The following ASPM variants were observed in gnomAD, a reference collection of about 807,000 sequenced individuals.
ASPM encodes the protein abnormal spindle-like microcephaly-associated protein.
A neutral mutation model predicts 366.4 loss-of-function variants in ASPM; 256 were observed. The observed-to-expected ratio is 0.70, with a 90% confidence interval of 0.63 to 0.77. The LOEUF is 0.77. Among genes scored for constraint, ASPM ranks in the 30% least tolerant of loss-of-function variants. ASPM has a pLI of 0.00. For missense variants in ASPM, 4,146 were observed against 4,090.4 expected (o/e 1.01, Z -0.37); for synonymous variants, 1,414 against 1,342.9 (o/e 1.05, Z -1.16).
rs1266631081 is a variant in ASPM, at chr1:197,135,111, T to G, written c.2158A>C (p.Thr720Pro). The G allele has an allele frequency of 6.3e-7, 1 of 1,595,016 alleles. No homozygotes were observed. ...ILTPDDFTVK[T>P]NISEVNAATL... ...TAACGTTTACCTTCAGAAATATTTG[T>G]TTTTACAGTGAAGTCATCAGGGGTT... The change falls in exon 5 of 28, where the codon ACA (threonine) becomes CCA (proline). Residue 720 changes from threonine (T) to proline (P), a missense_variant. Around this residue, in one of 3 missense-constraint regions of ASPM, gnomAD observed 3,624 missense variants for 3,591.7 expected, o/e 1.01. Coordinates refer to ENST00000367409, the MANE Select transcript of ASPM (RefSeq NM_018136.5).
chr1:197,143,303 T>C lies in ASPM; in HGVS notation c.949A>G (p.Ser317Gly). The C allele has an allele frequency of 6.2e-7, 1 of 1,613,862 alleles. No individual in the cohort carries two copies. Among genetic ancestry groups the C allele is most frequent in the Non-Finnish European group, 8.5e-7 (1 of 1,179,770 alleles). ...CTATTATTTACAAAAGAATCTGGACTTAGAAAATGTATTTGGCTTTGTGTA... is the reference window on the plus strand; with the variant it reads ...CTATTATTTACAAAAGAATCTGGACCTAGAAAATGTATTTGGCTTTGTGTA... The part of the protein sequence containing the change: ...NITQSQIHFL[S>G]PDSFVNNSHG... The change falls in exon 3 of 28, where the codon AGT (serine) becomes GGT (glycine). Residue 317 changes from serine to glycine, a missense_variant. This residue lies in a region of ASPM where 512 missense variants were observed against 471.7 expected (regional missense o/e 1.09). Transcript: ENST00000367409.
At chr1:197,141,135 T>C (rs985980207) in intron 3 of ASPM, among the ~76,000 whole-genome samples, 1 of 152,136 alleles carries the variant, frequency 6.6e-6, no homozygotes, top group African/African-American at 2.4e-5. Flanking sequence ...CTCCCTACTG[T>C]TTTTGTATGT....
rs368081657 is a variant in ASPM at position 197,103,628 on chromosome 1, T to C, written c.5623A>G (p.Lys1875Glu). 19 of 1,612,806 alleles carry C rather than the reference T, an allele frequency of 1.2e-5. No individual in the cohort carries two copies. In the African/African-American group the frequency reaches 2.0e-4, roughly 17 times the overall value. The change falls in exon 18 of 28, where the codon AAG becomes GAG. Residue 1875 changes from lysine to glutamate, a missense_variant. Physicochemically the swap from Lys to Glu is moderately conservative, Grantham distance 56. This residue lies in a region of ASPM where 3,624 missense variants were observed against 3,591.7 expected (regional missense o/e 1.01). Coordinates refer to ENST00000367409, the MANE Select transcript of ASPM (RefSeq NM_018136.5). ...GACTGGAGGGAAATCACAGCTGCCT[T>C]TGTCTTCAAAAAATGTGTTCTTGTA... The part of the protein sequence containing the change: ...HDTRTHFLKT[K>E]AAVISLQSAY...
At chr1:197,120,909 A>G (rs1657888132) in intron 16 of ASPM, among the ~76,000 whole-genome samples, 1 of 152,158 alleles carries the variant, frequency 6.6e-6, no homozygotes, top group Non-Finnish European at 1.5e-5. Context: ...GAGTTTGAGT[A>G]GGGGAAAAGA....
At chr1:197,095,152 T>C (rs1280264442) in intron 19 of ASPM, among the ~76,000 whole-genome samples, 1 of 151,792 alleles carries the variant, frequency 6.6e-6, no homozygotes, top group Admixed American at 6.6e-5. Context: ...TATTGTTAAC[T>C]ATAGTTGCCC....
At chr1:197,131,712 T>A (rs897685077) in intron 7 of ASPM, among the ~76,000 whole-genome samples, 3 of 151,862 alleles carry the variant, frequency 2.0e-5, no homozygotes, top group Non-Finnish European at 4.4e-5. Context: ...GCGCCCACCA[T>A]CACGCCTGGC....
rs1657253981 is a variant in ASPM at position 197,103,108 on chromosome 1, A to G, written c.6143T>C (p.Val2048Ala). 6 of 1,612,686 alleles carry G rather than the reference A, an allele frequency of 3.7e-6. No individual in the cohort carries two copies. Among genetic ancestry groups the G allele is most frequent in the Admixed American group, 3.3e-5 (2 of 59,820 alleles). ...AGCTCTGTATTTAGACTGTATAGTG[A>G]CTGCTGCTTTGTTGCAATCCTTTAT... ...KRIKDCNKAA[V>A]TIQSKYRAYK... The change falls in exon 18 of 28, where the codon GTC becomes GCC. Residue 2048 changes from valine (V) to alanine (A), a missense_variant. By Grantham distance (64) the Val-to-Ala change is moderately conservative. Coordinates refer to ENST00000367409, the MANE Select transcript of ASPM (RefSeq NM_018136.5).
At chr1:197,131,608 G>A (rs919836543) in intron 7 of ASPM, among the ~76,000 whole-genome samples, 4 of 150,578 alleles carry the variant, frequency 2.7e-5, no homozygotes, top group African/African-American at 9.8e-5. Context: ...GCCCAGGCTG[G>A]AGTGCAGTCG....
intron 7 of ASPM, among the ~76,000 whole-genome samples, chr1:197,131,705 C>T (rs1204322850): frequency 1.3e-5 from 2 of 151,958 alleles, no homozygotes; most frequent in African/African-American, 4.8e-5. Flanking sequence ...ACTACACGCG[C>T]CCACCATCAC....
Position 197,133,443 on chromosome 1 carries a change from C to G in ASPM, c.2326G>C (p.Glu776Gln). 2 of 1,613,894 alleles carry G rather than the reference C, an allele frequency of 1.2e-6. No individual in the cohort carries two copies. Among genetic ancestry groups the G allele is most frequent in the Non-Finnish European group, 1.7e-6 (2 of 1,179,940 alleles). The change falls in exon 6 of 28, where the codon GAA (glutamate) becomes CAA (glutamine). Residue 776 changes from glutamate to glutamine, a missense_variant. Glu to Gln is a conservative substitution (Grantham distance 29). Transcript: ENST00000367409. ...TTTTTAATAGCTTTAACCATTTTTT[C>G]AGAAGTAAACAAACGGCATGCTGCA... is the stretch of plus-strand genomic sequence containing the variant. ...RRAACRLFTS[E>Q]KMVKAIKKLE...
intron 26 of ASPM, 93 bp from the exon 27 acceptor site, chr1:197,087,065 CA>C: frequency 8.3e-7 from 1 of 1,203,678 alleles, no homozygotes; most frequent in Non-Finnish European, 1.2e-6. Flanking sequence ...AAAAACTATG[CA>C]GTAAACCTTT....
chr1:197,138,955 C>G, intron 4 of ASPM: 1 of 740,160 alleles, frequency 1.4e-6, no homozygotes, highest in Non-Finnish European at 2.5e-6. Flanking sequence ...TTCTCCTTGA[C>G]TCGCTGCATA....
rs1443352278 is a variant in ASPM, at chr1:197,133,512, G to T, written c.2257C>A (p.Leu753Ile). 6.2e-7 allele frequency: 1 copy of T among 1,614,082 alleles called. No homozygotes were observed. Among genetic ancestry groups the T allele is most frequent in the Non-Finnish European group, 8.5e-7 (1 of 1,180,000 alleles). ...CTACACCGAGCAGTATAAGCTCTGAGAGACATTTCCTCTTTTGTAGGTGCT... is the reference window on the plus strand; with the variant it reads ...CTACACCGAGCAGTATAAGCTCTGATAGACATTTCCTCTTTTGTAGGTGCT... ...PRAPTKEEMSLRAYTARCRLN... is the reference protein window; with the variant it reads ...PRAPTKEEMSIRAYTARCRLN... The change falls in exon 6 of 28, where the codon CTC (leucine) becomes ATC (isoleucine). Residue 753 changes from leucine (L) to isoleucine (I), a missense_variant. By Grantham distance (5) the Leu-to-Ile change is conservative. Transcript: ENST00000367409.
intron 7 of ASPM, among the ~76,000 whole-genome samples, chr1:197,131,669 C>T (rs1050100166): frequency 1.4e-4 from 22 of 151,948 alleles, no homozygotes; most frequent in African/African-American, 5.1e-4. Flanking sequence ...CCTCATTCTC[C>T]TGCCTCAGCC....
chr1:197,122,314 A>C lies in ASPM; in HGVS notation c.3599-13T>G. ...TCTGAAGTATTTTCTATTATGCAGG[A>C]GGAAAGGAGAAATTAGCCGTAGCTT... On this transcript the variant is annotated splice_polypyrimidine_tract_variant and intron_variant, in intron 14 of 27. Coordinates refer to ENST00000367409, the MANE Select transcript of ASPM (RefSeq NM_018136.5). 1 of 1,613,700 alleles carries C rather than the reference A, an allele frequency of 6.2e-7. No homozygotes were observed. The highest frequency in any genetic ancestry group is 8.5e-7 in the Non-Finnish European group (1 of 1,179,716).
rs749852763 is a variant in ASPM, at chr1:197,146,331, G to C, written c.107C>G (p.Pro36Arg). 1.2e-6 allele frequency: 2 copies of C among 1,613,192 alleles called. No homozygotes were observed. The highest frequency in any genetic ancestry group is 8.5e-7 in the Non-Finnish European group (1 of 1,179,962). Residue 36 changes from proline to arginine, a missense_variant, in exon 1 of 28, where the codon CCG (proline) becomes CGG (arginine). Pro to Arg is a moderately radical substitution (Grantham distance 103). Transcript: ENST00000367409. ...GPAAEEEASSPPVLSLSHFCR... is the reference protein window; with the variant it reads ...GPAAEEEASSRPVLSLSHFCR... ...GAAGTGGCTGAGAGACAGGACCGGC[G>C]GGGAAGACGCCTCCTCCTCGGCCGC...
In ASPM at chr1:197,143,692, C is replaced by T. The variant is rs1557966162; in HGVS notation, c.560G>A (p.Arg187Lys). The T allele has an allele frequency of 1.9e-6, 3 of 1,613,932 alleles. No homozygotes were observed. The highest frequency in any genetic ancestry group is 2.5e-6 in the Non-Finnish European group (3 of 1,179,904). Residue 187 changes from arginine to lysine, a missense_variant, in exon 3 of 28, where the codon AGA becomes AAA. Arg to Lys is a conservative substitution (Grantham distance 26). Around this residue, in one of 3 missense-constraint regions of ASPM, gnomAD observed 512 missense variants for 471.7 expected, o/e 1.09. Coordinates refer to ENST00000367409, the MANE Select transcript of ASPM (RefSeq NM_018136.5). ...ACAAGCTTGTAGTGGGCTCCTAACT[C>T]TGTCAACTTTTTGGGAAACACTAAA... ...KTFSVSQKVD[R>K]VRSPLQACEN...
Position 197,094,121 on chromosome 1 carries a change from G to T in ASPM, c.9047C>A (p.Pro3016His). ...GAAGTGTTCATGAGCTATCTTTGCA[G>T]GAAGTATAGCTCTCCATTTTCTCTG... ...IIQRKWRAIL[P>H]AKIAHEHFLM... Residue 3016 changes from proline to histidine, a missense_variant, in exon 20 of 28, where the codon CCT (proline) becomes CAT (histidine). Around this residue, in one of 3 missense-constraint regions of ASPM, gnomAD observed 3,624 missense variants for 3,591.7 expected, o/e 1.01. Transcript: ENST00000367409. The T allele has an allele frequency of 6.2e-7, 1 of 1,606,442 alleles. No individual in the cohort carries two copies. The highest frequency in any genetic ancestry group is 1.1e-5 in the South Asian group (1 of 90,294).
chr1:197,136,809 G>C (rs577461388), intron 4 of ASPM, among the ~76,000 whole-genome samples: 116 of 152,076 alleles, frequency 7.6e-4, no homozygotes, highest in Non-Finnish European at 3.7e-4. Flanking sequence ...AACTGGAGCT[G>C]AAAGAGACAA....
Sources: gnomAD v4.1 joint callset for allele counts (sites outside exome capture counted in the v4.1 genomes callset) on GRCh38, gnomAD v4.1.1 for gene constraint, gnomAD v4.1.1 regional missense constraint, MANE v1.5 for transcripts, NCBI Gene and HGNC (gene_info 2026-07-23, HGNC 2026-07-21) for gene names.